The following PLEKHD1 variants were observed in gnomAD, a reference collection of about 807,000 sequenced individuals.
PLEKHD1 encodes the protein pleckstrin homology domain-containing family D member 1.
Under a neutral mutation model 69.2 loss-of-function variants are expected in PLEKHD1, and 51 were observed. The ratio of observed to expected loss-of-function variants is 0.74; its 90% confidence interval spans 0.59 to 0.93. The LOEUF is 0.93. Ranked by LOEUF, PLEKHD1 falls within the 40% of genes least tolerant of loss-of-function variation. PLEKHD1 has a pLI of 0.00. For missense variants in PLEKHD1, 584 were observed against 641.0 expected (o/e 0.91, Z 0.96); for synonymous variants, 236 against 244.7 (o/e 0.96, Z 0.33).
intron 1 of PLEKHD1, among the ~76,000 whole-genome samples, chr14:69,498,767 C>T (rs1268587943): frequency 6.6e-6 from 1 of 152,062 alleles, no homozygotes; most frequent in Non-Finnish European, 1.5e-5. Flanking sequence ...CATGCCTCAG[C>T]CTCCTGAGTA....
At position 69,526,967 on chromosome 14, in the gene PLEKHD1, C is replaced by T. The variant is rs1337649311; in HGVS notation, c.1056+138C>T. On this transcript the variant is annotated intron_variant, in intron 10 of 12. Coordinates refer to ENST00000322564, the MANE Select transcript of PLEKHD1 (RefSeq NM_001161498.2). ...AGCCAGGCATGGGGGATGGAGCCAC[C>T]ACGAGGGGAAGCAGCAAGTCTGCTG... 11 of 1,320,582 alleles carry T rather than the reference C, an allele frequency of 8.3e-6. No individual in the cohort carries two copies. In the Admixed American group the frequency reaches 1.8e-4, roughly 21 times the overall value. The allele number at this position is 1,320,582 out of a possible 1,614,324, so 81.8% of individuals were successfully genotyped here.
At chr14:69,476,894 T>C in the PLEKHD1 span, among the ~76,000 whole-genome samples, 2 of 152,202 alleles carry the variant, frequency 1.3e-5, no homozygotes, top group Admixed American at 6.5e-5. Context: ...TACAGTTCCA[T>C]GCGGCTGGGG....
the PLEKHD1 span, among the ~76,000 whole-genome samples, chr14:69,470,012 G>T: frequency 1.3e-5 from 2 of 151,242 alleles, no homozygotes. Context: ...GTGAGCCACC[G>T]TGCCCTGCCA....
intron 7 of PLEKHD1, among the ~76,000 whole-genome samples, chr14:69,522,783 C>T (rs1431373628): frequency 6.6e-6 from 1 of 152,032 alleles, no homozygotes. Flanking sequence ...CATTTGAGAA[C>T]TTTAGTACCA....
intron 6 of PLEKHD1, among the ~76,000 whole-genome samples, chr14:69,516,273 A>G (rs1168721903): frequency 6.6e-6 from 1 of 152,210 alleles, no homozygotes; most frequent in Non-Finnish European, 1.5e-5. Flanking sequence ...CTTTGTAGAA[A>G]ACTTGTAAAA....
At chr14:69,513,875 C>T (rs1294239821) in intron 6 of PLEKHD1, among the ~76,000 whole-genome samples, 2 of 152,158 alleles carry the variant, frequency 1.3e-5, no homozygotes, top group African/African-American at 4.8e-5. Context: ...GAATTCTAAG[C>T]TGGTGTTTTA....
intron 12 of PLEKHD1, 69 bp from the exon 13 acceptor site, chr14:69,528,181 C>A: frequency 6.6e-7 from 1 of 1,524,558 alleles, no homozygotes; most frequent in Non-Finnish European, 8.9e-7. Context: ...TGGCATGAGG[C>A]TGGGGACAGG....
chr14:69,493,255 G>A lies in PLEKHD1; in HGVS notation c.150-6860G>A, dbSNP rs140437111. Among the ~76,000 whole-genome samples the A allele has an allele frequency of 7.7e-4, 118 of 152,322 alleles. 1 individual carries two copies. The East Asian group carries it at 0.015, about 19-fold the overall frequency. On this transcript the variant is annotated intron_variant, in intron 1 of 12. Transcript: ENST00000322564. ...TTGCAGTCACTCTGCAGAGATAGCAGAGATAAGCTCTAGGAAGAGAAACAA... is the reference window on the plus strand; with the variant it reads ...TTGCAGTCACTCTGCAGAGATAGCAAAGATAAGCTCTAGGAAGAGAAACAA...
At chr14:69,483,259 A>G (rs542249662), upstream of PLEKHD1, among the ~76,000 whole-genome samples, 33 of 151,850 alleles carry the variant, frequency 2.2e-4, no homozygotes, top group Non-Finnish European at 4.7e-4. Flanking sequence ...GAAGAGTACC[A>G]GGGTGATGAT....
chr14:69,519,586 T>C (rs1883462572), intron 6 of PLEKHD1, among the ~76,000 whole-genome samples: 1 of 152,190 alleles, frequency 6.6e-6, no homozygotes. Flanking sequence ...TCTTGCCGTA[T>C]TATTTTCAGG....
rs1455502875 is a variant in PLEKHD1 at position 69,511,937 on chromosome 14, C to T, written c.555+9058C>T. ...AATGGATTAGGAAATATTCCCTTGG[C>T]TTCTATCTTGAGAAAAAAAGATTGT... On this transcript the variant is annotated intron_variant, in intron 6 of 12. Coordinates refer to ENST00000322564, the MANE Select transcript of PLEKHD1 (RefSeq NM_001161498.2). Among the ~76,000 whole-genome samples, 12 of 152,296 alleles carry T rather than the reference C, an allele frequency of 7.9e-5. No individual in the cohort carries two copies. In the South Asian group the frequency reaches 8.3e-4, roughly 11 times the overall value.
At chr14:69,519,890 G>A (rs989990834) in intron 6 of PLEKHD1, among the ~76,000 whole-genome samples, 39 of 152,232 alleles carry the variant, frequency 2.6e-4, no homozygotes, top group African/African-American at 8.2e-4. Context: ...GGCCGCGCAC[G>A]GTGGCTCACG....
intron 7 of PLEKHD1, among the ~76,000 whole-genome samples, chr14:69,522,787 A>T (rs1883548460): frequency 6.6e-6 from 1 of 152,140 alleles, no homozygotes; most frequent in East Asian, 1.9e-4. Context: ...TGAGAACTTT[A>T]GTACCATGTA....
intron 1 of PLEKHD1, among the ~76,000 whole-genome samples, chr14:69,488,256 C>A (rs1387607975): frequency 6.6e-6 from 1 of 152,120 alleles, no homozygotes; most frequent in African/African-American, 2.4e-5. Context: ...GGTCACCATG[C>A]CAAAAAGACT....
At chr14:69,476,725 C>T in the PLEKHD1 span, among the ~76,000 whole-genome samples, 2 of 152,070 alleles carry the variant, frequency 1.3e-5, no homozygotes. Context: ...GCAGAACCAG[C>T]GTGGCTGGAG....
At chr14:69,477,027 G>T in the PLEKHD1 span, among the ~76,000 whole-genome samples, 1 of 146,012 alleles carries the variant, frequency 6.8e-6, no homozygotes, top group Non-Finnish European at 1.5e-5. Context: ...TATTTATTTA[G>T]AGACAATGTC....
intron 1 of PLEKHD1, among the ~76,000 whole-genome samples, chr14:69,498,679 C>T (rs1001089195): frequency 8.9e-6 from 1 of 112,254 alleles, no homozygotes; most frequent in African/African-American, 3.0e-5. Flanking sequence ...TGGAGTCTCA[C>T]TCGTGTTGCC....
chr14:69,520,064 G>A (rs1883477013), intron 6 of PLEKHD1, among the ~76,000 whole-genome samples: 1 of 148,600 alleles, frequency 6.7e-6, no homozygotes, highest in African/African-American at 2.5e-5. Flanking sequence ...CTACTCGGGA[G>A]ACTGAGACAG....
chr14:69,518,421 C>G (rs188260674), intron 6 of PLEKHD1, among the ~76,000 whole-genome samples: 1 of 152,228 alleles, frequency 6.6e-6, no homozygotes, highest in African/African-American at 2.4e-5. Context: ...TTCATATCCT[C>G]AGTGCATAGC....
Sources: allele counts gnomAD v4.1 joint callset (sites outside exome capture counted in the v4.1 genomes callset), GRCh38; gene constraint gnomAD v4.1.1; transcripts MANE v1.5; gene names NCBI Gene and HGNC (gene_info 2026-07-23, HGNC 2026-07-21).